The following TMEM165 variants were observed in gnomAD, a reference collection of about 807,000 sequenced individuals.
TMEM165 encodes transmembrane protein 165.
Under a neutral mutation model 30.0 loss-of-function variants are expected in TMEM165, and 19 were observed. That is an observed-to-expected ratio of 0.63 (90% CI 0.44 to 0.93). The LOEUF is 0.93. Ranked by LOEUF, TMEM165 falls within the 40% of genes least tolerant of loss-of-function variation. TMEM165 has a pLI of 0.00. For missense variants in TMEM165, 340 were observed against 417.0 expected, an observed-to-expected ratio of 0.82 and a Z score of 1.61; for synonymous variants, 168 against 162.9, an observed-to-expected ratio of 1.03 and a Z score of -0.24.
downstream of TMEM165, among the ~76,000 whole-genome samples, chr4:55,426,729 A>G (rs1235956649): frequency 2.0e-5 from 3 of 152,212 alleles, no homozygotes; most frequent in Non-Finnish European, 4.4e-5. Context: ...TGCAATTTGA[A>G]GAGATTGTGA....
rs539049997 is a variant in TMEM165, at chr4:55,418,060, A to G, written c.792+75A>G. The G allele has an allele frequency of 5.2e-6, 7 of 1,352,430 alleles. No homozygotes were observed. The East Asian group carries it at 1.7e-4, about 32-fold the overall frequency. 83.8% of individuals were successfully genotyped at this position (1,352,430 alleles called of 1,614,324 possible). ...TACTTTGTTCCAGAAAACACTGGAC[A>G]CACTGAAGTGGGCCACAGCATTCCT... is the stretch of plus-strand genomic sequence containing the variant. On this transcript the variant is annotated intron_variant, in intron 4 of 5. Coordinates refer to ENST00000381334, the MANE Select transcript of TMEM165 (RefSeq NM_018475.5).
chr4:55,448,601 C>CGTGTGT lies in TMEM165; in HGVS notation c.409-3600_409-3595dup, dbSNP rs3034980. Among the ~76,000 whole-genome samples, 392 of 117,000 alleles carry CGTGTGT rather than the reference C, an allele frequency of 3.4e-3. 2 individuals carry two copies. Among genetic ancestry groups the CGTGTGT allele is most frequent in the Middle Eastern group, 0.015 (3 of 198 alleles). 76.8% of individuals were successfully genotyped at this position (117,000 alleles called of 152,430 possible). A position where few individuals can be genotyped will look rare whatever the true frequency, so the allele number is the denominator to read the frequency against. ...ATATATGTGCGCGCGCGCACGCGCG[C>CGTGTGT]GTGTGTGTGTGTGTGTGTGTGTGTG... On this transcript the variant is annotated intron_variant, in intron 3 of 3. Coordinates refer to the TMEM165 transcript ENST00000608091.
intron 1 of TMEM165, 99 bp from the exon 2 acceptor site, chr4:55,411,515 A>G: frequency 1.8e-6 from 2 of 1,091,372 alleles, no homozygotes; most frequent in South Asian, 1.4e-5. Context: ...TGTAATGACC[A>G]TGACAAGAAA....
chr4:55,452,106 C>T (rs887001516), intron 3 of TMEM165: 5 of 152,106 alleles, frequency 3.3e-5, no homozygotes, highest in Non-Finnish European at 5.9e-5. Flanking sequence ...ATATTCATGC[C>T]CTTGCATAAT....
chr4:55,443,951 A>G lies in TMEM165; in HGVS notation c.409-8288A>G, dbSNP rs572703843. The G allele has an allele frequency of 3.8e-5, 57 of 1,513,170 alleles. No homozygotes were observed. In the South Asian group the frequency reaches 6.7e-4, roughly 18 times the overall value. The allele number at this position is 1,513,170 out of a possible 1,614,324, so 93.7% of individuals were successfully genotyped here. ...GCTTTGTAGATTGAAAAGAAGAATG[A>G]GCATTAAAAAGAAGGCAAAATCAAG... On this transcript the variant is annotated intron_variant, in intron 3 of 3. Transcript: ENST00000608091.
At chr4:55,447,584 A>C (rs1443787793) in intron 3 of TMEM165, among the ~76,000 whole-genome samples, 1 of 152,158 alleles carries the variant, frequency 6.6e-6, no homozygotes, top group Admixed American at 6.5e-5. Flanking sequence ...GGTGAACAAA[A>C]TGTGAGACAT....
intron 3 of TMEM165, among the ~76,000 whole-genome samples, chr4:55,439,649 T>C (rs1380691584): frequency 2.0e-5 from 3 of 152,052 alleles, no homozygotes; most frequent in South Asian, 2.1e-4. Context: ...AAGCAAAACA[T>C]AGTAGAGTAG....
chr4:55,400,175 T>C (rs1176249700), intron 1 of TMEM165, among the ~76,000 whole-genome samples: 1 of 123,136 alleles, frequency 8.1e-6, no homozygotes, highest in Non-Finnish European at 1.6e-5. Context: ...ATATATAATA[T>C]ATATAAAAAA....
exon 4 of TMEM165, chr4:55,453,106 C>A: frequency 1.2e-6 from 2 of 1,613,066 alleles, no homozygotes; most frequent in East Asian, 2.2e-5. Context: ...TTCTCGTCGT[C>A]TTTCAGCCCT....
At chr4:55,425,289 G>A in intron 5 of TMEM165, 87 bp from the exon 6 acceptor site, 1 of 1,033,144 alleles carries the variant, frequency 9.7e-7, no homozygotes, top group Non-Finnish European at 1.5e-6. Context: ...AAGAATAATT[G>A]GCCGCCTCAT....
At chr4:55,423,046 G>A (rs1005436210) in intron 4 of TMEM165, 2 of 152,120 alleles carry the variant, frequency 1.3e-5, no homozygotes, top group African/African-American at 2.4e-5. Context: ...AGGCTCAAGT[G>A]ATCCTCTCAC....
chr4:55,450,333 T>C, intron 3 of TMEM165: 2 of 1,400,530 alleles, frequency 1.4e-6, no homozygotes, highest in South Asian at 1.2e-5. Context: ...TTTTTGTCTA[T>C]AACAAGGCAA....
intron 1 of TMEM165, among the ~76,000 whole-genome samples, chr4:55,399,624 T>G (rs2109516428): frequency 6.6e-6 from 1 of 152,310 alleles, no homozygotes; most frequent in South Asian, 2.1e-4. Flanking sequence ...ATATCCTTTT[T>G]AAGAAGCTAG....
At chr4:55,448,553 T>A (rs1013293809) in intron 3 of TMEM165, among the ~76,000 whole-genome samples, 1 of 151,776 alleles carries the variant, frequency 6.6e-6, no homozygotes, top group African/African-American at 2.4e-5. Flanking sequence ...CAGTTAAGAT[T>A]CACTGCATCT....
At chr4:55,411,583 T>C (rs748878763) in intron 1 of TMEM165, 31 bp from the exon 2 acceptor site, 2 of 1,551,810 alleles carry the variant, frequency 1.3e-6, no homozygotes, top group Middle Eastern at 4.0e-4. Flanking sequence ...TGAATAATGA[T>C]TTTAAGAAGT....
At chr4:55,435,228 C>T (rs961041707) in intron 3 of TMEM165, 3 of 652,122 alleles carry the variant, frequency 4.6e-6, no homozygotes, top group Non-Finnish European at 8.0e-6. Context: ...CTCCTGCTGG[C>T]TGGTATTTAA....
intron 2 of TMEM165, chr4:55,415,319 T>G (rs780626306): frequency 6.6e-6 from 1 of 152,200 alleles, no homozygotes; most frequent in Non-Finnish European, 1.5e-5. Flanking sequence ...AATTATCCGA[T>G]GTTAGGCCAG....
intron 3 of TMEM165, chr4:55,448,984 T>C (rs1002668118): frequency 2.4e-6 from 2 of 832,072 alleles, no homozygotes; most frequent in Admixed American, 2.1e-5. Context: ...CCTCATACTT[T>C]TGTTAGCTGA....
chr4:55,415,283 T>G (rs1387256084), intron 2 of TMEM165: 1 of 152,212 alleles, frequency 6.6e-6, no homozygotes, highest in Admixed American at 6.5e-5. Flanking sequence ...GGTTTATAAT[T>G]AATTATTTAA....
Sources: gnomAD v4.1 joint callset for allele counts (sites outside exome capture counted in the v4.1 genomes callset) on GRCh38, gnomAD v4.1.1 for gene constraint, MANE v1.5 for transcripts, NCBI Gene and HGNC (gene_info 2026-07-23, HGNC 2026-07-21) for gene names.